The following PCDH9 variants were observed in gnomAD, a reference collection of about 807,000 sequenced individuals.
PCDH9 encodes the protein protocadherin-9.
PCDH9 carries 24 observed loss-of-function variants against 70.6 expected under a neutral mutation model. The observed-to-expected ratio is 0.34, with a 90% CI of 0.25 to 0.48. The LOEUF is 0.48. PCDH9 is among the 20% of genes least tolerant of loss of function. The probability of loss-of-function intolerance (pLI) is 0.99; values close to 1 mark genes in which losing one functional copy is unlikely to be tolerated. For synonymous variants in PCDH9, 562 were observed against 558.5 expected (o/e 1.01, Z -0.09); for missense variants, 1,281 against 1,503.6 (o/e 0.85, Z 2.45).
chr13:66,803,987 T>C (rs747707695), intron 3 of PCDH9, among the ~76,000 whole-genome samples: 9 of 152,142 alleles, frequency 5.9e-5, no homozygotes, highest in Admixed American at 2.6e-4. Flanking sequence ...CTAGAACAAC[T>C]CAGCCTTGAG....
rs570981191 is a variant in PCDH9 at position 67,124,947 on chromosome 13, A to G, written c.3036+100458T>C. 2.0e-5 allele frequency among the ~76,000 whole-genome samples: 3 copies of G among 152,270 alleles called. No individual in the cohort carries two copies. The South Asian group carries it at 6.2e-4, about 32-fold the overall frequency. ...TAACTCATTAGGAGAGTGACTTTTT[A>G]AGTTAACATAGCCTGTGACAAGCCT... On this transcript the variant is annotated intron_variant, in intron 2 of 4. Transcript: ENST00000377865.
At chr13:66,526,383 T>G (rs575133908) in intron 4 of PCDH9, among the ~76,000 whole-genome samples, 1 of 152,256 alleles carries the variant, frequency 6.6e-6, no homozygotes, top group African/African-American at 2.4e-5. Context: ...TTTGTCAGAA[T>G]GAAGACTCCC....
intron 4 of PCDH9, among the ~76,000 whole-genome samples, chr13:66,576,259 T>C (rs1208136028): frequency 6.6e-6 from 1 of 152,080 alleles, no homozygotes; most frequent in African/African-American, 2.4e-5. Flanking sequence ...AAAATGTTAA[T>C]TATAAATGAA....
intron 2 of PCDH9, among the ~76,000 whole-genome samples, chr13:67,033,608 C>G (rs1426859287): frequency 3.9e-5 from 6 of 152,108 alleles, no homozygotes; most frequent in Non-Finnish European, 8.8e-5. Context: ...TGGCAGGCAT[C>G]TCGTAAACTT....
At chr13:67,105,039 T>C (rs1345396212) in intron 2 of PCDH9, among the ~76,000 whole-genome samples, 1 of 152,090 alleles carries the variant, frequency 6.6e-6, no homozygotes, top group Non-Finnish European at 1.5e-5. Flanking sequence ...CACTGCTACA[T>C]CTAGTCTGCA....
At chr13:67,168,532 G>C (rs2088186180) in intron 2 of PCDH9, among the ~76,000 whole-genome samples, 3 of 151,996 alleles carry the variant, frequency 2.0e-5, no homozygotes, top group African/African-American at 7.2e-5. Context: ...TTCAACGCCA[G>C]CCTGGGCAAC....
intron 3 of PCDH9, among the ~76,000 whole-genome samples, chr13:66,832,005 G>A (rs911591690): frequency 6.6e-6 from 1 of 152,088 alleles, no homozygotes; most frequent in Non-Finnish European, 1.5e-5. Context: ...TTTTCCTACA[G>A]CTGTGTGCCT....
chr13:66,443,565 A>G (rs1958014088), intron 4 of PCDH9, among the ~76,000 whole-genome samples: 1 of 152,126 alleles, frequency 6.6e-6, no homozygotes, highest in African/African-American at 2.4e-5. Flanking sequence ...GCTGATTTTC[A>G]TGTATTTTTT....
chr13:66,345,848 T>C (rs982650470), intron 4 of PCDH9, among the ~76,000 whole-genome samples: 2 of 152,162 alleles, frequency 1.3e-5, no homozygotes, highest in African/African-American at 2.4e-5. Flanking sequence ...CTTTAAAAAG[T>C]ATTTTCCATC....
At chr13:66,535,918 C>G (rs1229048360) in intron 4 of PCDH9, among the ~76,000 whole-genome samples, 1 of 151,868 alleles carries the variant, frequency 6.6e-6, no homozygotes, top group Non-Finnish European at 1.5e-5. Flanking sequence ...ATGCTAGTTA[C>G]CAGAAGTAAG....
intron 4 of PCDH9, among the ~76,000 whole-genome samples, chr13:66,330,737 A>G (rs1310805094): frequency 6.6e-6 from 1 of 152,220 alleles, no homozygotes; most frequent in Non-Finnish European, 1.5e-5. Flanking sequence ...GAGAGAAGAA[A>G]GAAACCTTGC....
chr13:67,096,309 G>T (rs1019286484), intron 2 of PCDH9, among the ~76,000 whole-genome samples: 2 of 152,092 alleles, frequency 1.3e-5, no homozygotes, highest in African/African-American at 4.8e-5. Context: ...GCCACGAACC[G>T]TAAAATACTA....
At chr13:66,580,240 C>T (rs1410829635) in intron 4 of PCDH9, among the ~76,000 whole-genome samples, 1 of 151,916 alleles carries the variant, frequency 6.6e-6, no homozygotes, top group African/African-American at 2.4e-5. Context: ...CTTAAAACAT[C>T]TTTGTTAAAA....
At chr13:66,408,050 CTTTT>C (rs34109335) in intron 4 of PCDH9, among the ~76,000 whole-genome samples, 1 of 132,258 alleles carries the variant, frequency 7.6e-6, no homozygotes. Context: ...GCAGGGATCA[CTTTT>C]TTTTTTTTTT....
chr13:66,548,229 A>C (rs1168485748), intron 4 of PCDH9, among the ~76,000 whole-genome samples: 1 of 152,082 alleles, frequency 6.6e-6, no homozygotes, highest in Non-Finnish European at 1.5e-5. Context: ...CCTGTAAAAA[A>C]TTTAAGTGCA....
At chr13:66,955,806 C>T (rs570227936) in intron 2 of PCDH9, among the ~76,000 whole-genome samples, 2 of 152,112 alleles carry the variant, frequency 1.3e-5, no homozygotes, top group Non-Finnish European at 2.9e-5. Context: ...GGATGAACTA[C>T]AAATGAATTG....
rs570669160 is a variant in PCDH9 at position 66,516,533 on chromosome 13, G to A, written c.3340+114677C>T. 1.2e-3 allele frequency among the ~76,000 whole-genome samples: 184 copies of A among 152,082 alleles called. 1 individual carries two copies. Among genetic ancestry groups the A allele is most frequent in the Non-Finnish European group, 2.1e-3 (140 of 67,918 alleles). ...TAAAACATGTTTGTAAAGGATGAAC[G>A]GGGAATAATAAGACAGTGTAGCACA... On this transcript the variant is annotated intron_variant, in intron 4 of 4. Coordinates refer to ENST00000377865, the MANE Select transcript of PCDH9 (RefSeq NM_203487.3).
At chr13:66,717,230 C>A (rs1455520396) in intron 3 of PCDH9, among the ~76,000 whole-genome samples, 1 of 151,466 alleles carries the variant, frequency 6.6e-6, no homozygotes, top group East Asian at 1.9e-4. Flanking sequence ...CCGAGGCGAG[C>A]GGATCACCTG....
chr13:66,631,570 A>G (rs571336083), intron 3 of PCDH9, among the ~76,000 whole-genome samples, 159 bp from the exon 4 acceptor site: 6 of 152,338 alleles, frequency 3.9e-5, no homozygotes, highest in Admixed American at 3.9e-4. Flanking sequence ...ATTACTTGCC[A>G]TTTACTATGT....
Sources: allele counts gnomAD v4.1 joint callset (sites outside exome capture counted in the v4.1 genomes callset), GRCh38; gene constraint gnomAD v4.1.1; transcripts MANE v1.5; gene names NCBI Gene and HGNC (gene_info 2026-07-23, HGNC 2026-07-21).